The following PTPRD variants were observed in gnomAD, a reference collection of about 807,000 sequenced individuals.
PTPRD encodes receptor-type tyrosine-protein phosphatase delta.
A neutral mutation model predicts 214.5 loss-of-function variants in PTPRD; 34 were observed. That is an observed-to-expected ratio of 0.16 (90% CI 0.12 to 0.21). The LOEUF is 0.21. PTPRD is among the 10% of genes least tolerant of loss of function. The pLI is 1.00. For missense variants in PTPRD, 2,545 were observed against 2,398.7 expected (o/e 1.06, Z -1.27); for synonymous variants, 1,128 against 845.7 (o/e 1.33, Z -5.79).
rs907068656 is a variant in PTPRD, at chr9:8,315,688, C to T, written c.*2186G>A. The T allele has an allele frequency of 4.4e-6, 1 of 227,392 alleles. No individual in the cohort carries two copies. The highest frequency in any genetic ancestry group is 6.3e-5 in the East Asian group (1 of 15,976). The allele number at this position is 227,392 out of a possible 1,614,324, so 14.1% of individuals were successfully genotyped here. On this transcript the variant is annotated 3_prime_UTR_variant, in exon 46 of 46. Transcript: ENST00000381196. ...TGTTTTTTACAAAAGTGCTCAAATA[C>T]AATGCTTGCAAATGTTTGGTCTCTT...
chr9:9,333,029 G>A (rs1222522114), intron 9 of PTPRD, among the ~76,000 whole-genome samples: 2 of 151,932 alleles, frequency 1.3e-5, no homozygotes, highest in African/African-American at 2.4e-5. Context: ...TGAATCGGTG[G>A]AACACAGAGC....
At chr9:9,991,981 C>T (rs1247063331) in intron 4 of PTPRD, among the ~76,000 whole-genome samples, 1 of 152,002 alleles carries the variant, frequency 6.6e-6, no homozygotes, top group African/African-American at 2.4e-5. Context: ...CATAACGAAC[C>T]TCAAAAACAT....
At chr9:9,004,060 A>C (rs1004184921) in intron 11 of PTPRD, among the ~76,000 whole-genome samples, 1 of 152,050 alleles carries the variant, frequency 6.6e-6, no homozygotes, top group Non-Finnish European at 1.5e-5. Flanking sequence ...TCTCCTTTAG[A>C]TAAATCTTTT....
At chr9:8,632,535 A>T (rs1182614702) in intron 14 of PTPRD, among the ~76,000 whole-genome samples, 1 of 151,916 alleles carries the variant, frequency 6.6e-6, no homozygotes, top group Non-Finnish European at 1.5e-5. Context: ...CAGAATAGTT[A>T]ATCTGGAAAT....
chr9:9,922,175 G>A (rs961733960), intron 5 of PTPRD, among the ~76,000 whole-genome samples: 5 of 152,052 alleles, frequency 3.3e-5, no homozygotes, highest in Admixed American at 1.3e-4. Context: ...TAGAAGGCAC[G>A]AATGAACTGC....
chr9:9,761,826 T>C (rs1055331967), intron 6 of PTPRD, among the ~76,000 whole-genome samples: 2 of 152,202 alleles, frequency 1.3e-5, no homozygotes, highest in African/African-American at 4.8e-5. Context: ...TTAGTCCCAA[T>C]TGCCTACATC....
chr9:10,133,108 G>A (rs988128505), intron 3 of PTPRD, among the ~76,000 whole-genome samples: 7 of 152,116 alleles, frequency 4.6e-5, no homozygotes, highest in Non-Finnish European at 1.0e-4. Context: ...CACAGCCAAC[G>A]AGGACATTCA....
intron 5 of PTPRD, among the ~76,000 whole-genome samples, chr9:9,844,965 T>C (rs896290538): frequency 6.6e-6 from 1 of 150,526 alleles, no homozygotes; most frequent in African/African-American, 2.4e-5. Flanking sequence ...TAAGTCTATA[T>C]GCAAGTTACC....
chr9:8,343,446 C>T (rs17559269), intron 39 of PTPRD, among the ~76,000 whole-genome samples: 8,387 of 152,056 alleles, frequency 0.055, 283 homozygotes, highest in South Asian at 0.16. Flanking sequence ...TTAGCACAGA[C>T]CAATTGGCAA....
chr9:10,140,826 T>C (rs1035345112), intron 3 of PTPRD, among the ~76,000 whole-genome samples: 1 of 151,708 alleles, frequency 6.6e-6, no homozygotes, highest in Non-Finnish European at 1.5e-5. Context: ...ATATCCTTGA[T>C]GAACATTGAT....
intron 3 of PTPRD, among the ~76,000 whole-genome samples, chr9:10,189,813 C>G (rs1429134781): frequency 6.6e-6 from 1 of 151,942 alleles, no homozygotes; most frequent in African/African-American, 2.4e-5. Context: ...AACCAAGACT[C>G]AAAGAAGGAG....
chr9:9,225,169 G>T (rs1211536261), intron 9 of PTPRD, among the ~76,000 whole-genome samples: 1 of 151,972 alleles, frequency 6.6e-6, no homozygotes, highest in African/African-American at 2.4e-5. Context: ...AGCAGAAGGG[G>T]AAGGCTGAAC....
chr9:10,182,079 C>A (rs1229318359), intron 3 of PTPRD, among the ~76,000 whole-genome samples: 19 of 147,868 alleles, frequency 1.3e-4, no homozygotes, highest in South Asian at 4.3e-4. Flanking sequence ...TACGGTGAAA[C>A]CTGTCTCTAC....
At chr9:10,566,314 T>C (rs373619054) in intron 2 of PTPRD, among the ~76,000 whole-genome samples, 8 of 152,162 alleles carry the variant, frequency 5.3e-5, no homozygotes, top group African/African-American at 1.7e-4. Flanking sequence ...AGGGTGTGTA[T>C]ATTGTCAGCT....
At chr9:10,039,458 C>A (rs1036807970) in intron 3 of PTPRD, among the ~76,000 whole-genome samples, 1 of 151,982 alleles carries the variant, frequency 6.6e-6, no homozygotes, top group African/African-American at 2.4e-5. Context: ...TGTATGTTTA[C>A]ATATATACAA....
intron 11 of PTPRD, among the ~76,000 whole-genome samples, chr9:8,828,693 G>A (rs10815966): frequency 0.12 from 18,429 of 152,168 alleles, 1,366 homozygotes; most frequent in East Asian, 0.28. Context: ...GAAGGTAACT[G>A]AGAGTACTAT....
intron 11 of PTPRD, among the ~76,000 whole-genome samples, chr9:8,972,402 A>G (rs2099243936): frequency 6.6e-6 from 1 of 151,924 alleles, no homozygotes; most frequent in Non-Finnish European, 1.5e-5. Flanking sequence ...CACATTTAAC[A>G]TTTCCCCAAA....
chr9:8,554,038 A>C (rs1001524104), intron 14 of PTPRD, among the ~76,000 whole-genome samples: 3 of 152,224 alleles, frequency 2.0e-5, no homozygotes, highest in South Asian at 2.1e-4. Flanking sequence ...GATACAAAAA[A>C]TTAGCCGGGC....
intron 9 of PTPRD, among the ~76,000 whole-genome samples, chr9:9,265,300 C>T (rs1206965813): frequency 6.6e-6 from 1 of 151,594 alleles, no homozygotes; most frequent in East Asian, 2.0e-4. Flanking sequence ...CTCATTCTGT[C>T]ACCTAGGCCA....
Sources: allele counts gnomAD v4.1 joint callset (sites outside exome capture counted in the v4.1 genomes callset), GRCh38; gene constraint gnomAD v4.1.1; transcripts MANE v1.5; gene names NCBI Gene and HGNC (gene_info 2026-07-23, HGNC 2026-07-21).